NIM1K: variants seen among roughly 807,000 people sequenced by gnomAD.
NIM1K encodes the protein NIM1 serine/threonine protein kinase.
NIM1K carries 35 observed loss-of-function variants against 37.1 expected under a neutral mutation model. That is an observed-to-expected ratio of 0.94 (90% confidence interval 0.72 to 1.25). The LOEUF is 1.25. Among genes scored for constraint, NIM1K ranks in the 50% most tolerant of loss-of-function variants. The pLI is 0.00. For synonymous variants in NIM1K, 234 were observed against 206.6 expected, an observed-to-expected ratio of 1.13 and a Z score of -1.14; for missense variants, 564 against 548.0, an observed-to-expected ratio of 1.03 and a Z score of -0.29.
intron 1 of NIM1K, among the ~76,000 whole-genome samples, chr5:43,195,105 T>C (rs77970994): frequency 0.051 from 7,769 of 152,322 alleles, 305 homozygotes; most frequent in East Asian, 0.19. Flanking sequence ...GACAAACTGT[T>C]CATAAAATTT....
chr5:43,224,859 C>T lies in NIM1K; in HGVS notation c.-694-20223C>T, dbSNP rs56341067. Reference sequence around the variant, plus strand: ...TACAGGCGTCCACCATCACACCCAGCTAATTTTTGTATTTTTAATAGAGAT... The same window carrying T: ...TACAGGCGTCCACCATCACACCCAGTTAATTTTTGTATTTTTAATAGAGAT... On this transcript the variant is annotated intron_variant, in intron 1 of 3. Coordinates refer to ENST00000326035, the MANE Select transcript of NIM1K (RefSeq NM_153361.4). Among the ~76,000 whole-genome samples the T allele has an allele frequency of 2.8e-3, 430 of 152,202 alleles. 3 individuals are homozygous for T. Among genetic ancestry groups the T allele is most frequent in the African/African-American group, 1.0e-2 (414 of 41,536 alleles).
intron 2 of NIM1K, among the ~76,000 whole-genome samples, chr5:43,272,880 C>T (rs1753278361): frequency 6.6e-6 from 1 of 152,100 alleles, no homozygotes; most frequent in African/African-American, 2.4e-5. Flanking sequence ...CCACCCCTTC[C>T]ACTGGGGCAG....
chr5:43,207,072 T>C, intron 1 of NIM1K: 2 of 720,034 alleles, frequency 2.8e-6, no homozygotes, highest in African/African-American at 1.7e-5. Flanking sequence ...CCATTACCTA[T>C]GGGCGCCTGG....
At chr5:43,205,933 C>G (rs936208914) in intron 1 of NIM1K, among the ~76,000 whole-genome samples, 1 of 151,906 alleles carries the variant, frequency 6.6e-6, no homozygotes, top group African/African-American at 2.4e-5. Context: ...AGGATGGTCT[C>G]GATCTTCTGA....
chr5:43,251,390 C>T (rs114435710), intron 2 of NIM1K, among the ~76,000 whole-genome samples: 369 of 152,294 alleles, frequency 2.4e-3, no homozygotes, highest in Non-Finnish European at 4.5e-3. Context: ...GCTGTTTCCA[C>T]GCCCTAAAAT....
intron 1 of NIM1K, among the ~76,000 whole-genome samples, chr5:43,242,353 G>A (rs1752715359): frequency 6.6e-6 from 1 of 151,818 alleles, no homozygotes; most frequent in Non-Finnish European, 1.5e-5. Flanking sequence ...CAGAGAACAA[G>A]CCCTGAAGCA....
chr5:43,265,078 A>G (rs4866734), intron 2 of NIM1K, among the ~76,000 whole-genome samples: 57,180 of 151,992 alleles, frequency 0.38, 12,933 homozygotes, highest in East Asian at 0.78. Flanking sequence ...AACTTTGGTG[A>G]ATCTGACAAT....
At chr5:43,237,921 T>C (rs1752643966) in intron 1 of NIM1K, among the ~76,000 whole-genome samples, 1 of 152,180 alleles carries the variant, frequency 6.6e-6, no homozygotes, top group Admixed American at 6.6e-5. Context: ...GGGAGCATAA[T>C]AGTGTAACGG....
chr5:43,254,534 C>T (rs1029382901), intron 2 of NIM1K, among the ~76,000 whole-genome samples: 2 of 152,142 alleles, frequency 1.3e-5, no homozygotes, highest in African/African-American at 4.8e-5. Context: ...AAATAATAAA[C>T]ACTCGACAAA....
At chr5:43,240,533 C>T (rs1437593135) in intron 1 of NIM1K, 2 of 149,594 alleles carry the variant, frequency 1.3e-5, no homozygotes, top group East Asian at 2.1e-4. Flanking sequence ...GGATTCCCTC[C>T]TCTTTCTTAC....
chr5:43,192,823 A>G (rs1262921274), intron 1 of NIM1K: 1 of 152,324 alleles, frequency 6.6e-6, no homozygotes, highest in Non-Finnish European at 1.5e-5. Context: ...CTTAGCGCCT[A>G]GCGTTGCGCA....
chr5:43,268,470 C>G (rs1317359621), intron 2 of NIM1K, among the ~76,000 whole-genome samples: 1 of 152,122 alleles, frequency 6.6e-6, no homozygotes, highest in Non-Finnish European at 1.5e-5. Flanking sequence ...TGAAGCTGTC[C>G]TCTTGTGCTG....
At chr5:43,267,382 T>C (rs1753180999) in intron 2 of NIM1K, among the ~76,000 whole-genome samples, 1 of 152,182 alleles carries the variant, frequency 6.6e-6, no homozygotes, top group Non-Finnish European at 1.5e-5. Context: ...TCTATCAATT[T>C]TGTTTATCTT....
intron 1 of NIM1K, among the ~76,000 whole-genome samples, chr5:43,224,019 A>G (rs997396475): frequency 6.6e-6 from 1 of 151,782 alleles, no homozygotes; most frequent in Admixed American, 6.6e-5. Flanking sequence ...AGAAAGATAC[A>G]GTAGAAAGGT....
At chr5:43,214,813 C>CAAAAAAAAAAAA (rs369233525) in intron 1 of NIM1K, among the ~76,000 whole-genome samples, 24 of 71,610 alleles carry the variant, frequency 3.4e-4, no homozygotes, top group East Asian at 1.0e-3. Context: ...GACTCCGTCT[C>CAAAAAAAAAAAA]AAAAAAAAAA....
intron 1 of NIM1K, among the ~76,000 whole-genome samples, chr5:43,200,633 G>A (rs754943933): frequency 1.3e-5 from 2 of 152,114 alleles, no homozygotes; most frequent in Non-Finnish European, 2.9e-5. Flanking sequence ...GAACACAACC[G>A]TAAGATACAC....
At chr5:43,207,247 A>C in intron 1 of NIM1K, 2 of 758,118 alleles carry the variant, frequency 2.6e-6, no homozygotes, top group Non-Finnish European at 5.0e-6. Context: ...GAAGTGGCAA[A>C]GATTACACTG....
At chr5:43,242,162 CAA>C (rs1210439438) in intron 1 of NIM1K, among the ~76,000 whole-genome samples, 1 of 151,974 alleles carries the variant, frequency 6.6e-6, no homozygotes, top group Non-Finnish European at 1.5e-5. Flanking sequence ...GTACGTAATT[CAA>C]GACAGAGACT....
In NIM1K at chr5:43,248,769, C is replaced by T. The variant is rs183202374; in HGVS notation, c.292+2702C>T. 3.9e-5 allele frequency among the ~76,000 whole-genome samples: 6 copies of T among 152,018 alleles called. No homozygotes were observed. The East Asian group carries it at 5.8e-4, about 15-fold the overall frequency. ...CAGACTCAAGACCCAGGAAGAGCCA[C>T]GTTCAGCTTGAGTCTGAAGGCCAAA... On this transcript the variant is annotated intron_variant, in intron 2 of 3. Coordinates refer to ENST00000326035, the MANE Select transcript of NIM1K (RefSeq NM_153361.4).
Sources: allele counts gnomAD v4.1 joint callset (sites outside exome capture counted in the v4.1 genomes callset), GRCh38; gene constraint gnomAD v4.1.1; transcripts MANE v1.5; gene names NCBI Gene and HGNC (gene_info 2026-07-23, HGNC 2026-07-21).